CAST: variants seen among roughly 807,000 people sequenced by gnomAD.
The protein encoded by CAST is MIR583 host.
Under a neutral mutation model 119.6 loss-of-function variants are expected in CAST, and 76 were observed. The observed-to-expected ratio is 0.64, with a 90% CI of 0.53 to 0.77. CAST has a LOEUF of 0.77. CAST is among the 30% of genes least tolerant of loss of function. The pLI, the probability that CAST is intolerant of heterozygous loss-of-function variation, is 0.00. For synonymous variants in CAST, 319 were observed against 331.6 expected (o/e 0.96, Z 0.41); for missense variants, 953 against 946.5 (o/e 1.01, Z -0.09).
chr5:96,487,561 A>G, the CAST span, among the ~76,000 whole-genome samples: 1 of 152,212 alleles, frequency 6.6e-6, no homozygotes, highest in African/African-American at 2.4e-5. Flanking sequence ...TCAGACACTA[A>G]CTGAATCAGG....
chr5:96,115,312 A>C, the CAST span, among the ~76,000 whole-genome samples: 1 of 152,222 alleles, frequency 6.6e-6, no homozygotes, highest in African/African-American at 2.4e-5. Flanking sequence ...CATCAAAACA[A>C]ACAATAAAAA....
intron 2 of CAST, among the ~76,000 whole-genome samples, chr5:96,686,368 A>C (rs569637473): frequency 6.6e-6 from 1 of 152,320 alleles, no homozygotes; most frequent in African/African-American, 2.4e-5. Flanking sequence ...AGAAACTAAA[A>C]TCAAGTGTTG....
the CAST span, among the ~76,000 whole-genome samples, chr5:96,144,376 G>A: frequency 6.6e-6 from 1 of 152,070 alleles, no homozygotes; most frequent in Non-Finnish European, 1.5e-5. Context: ...CCTTTCTTTA[G>A]CACTTTTTAA....
intron 9 of CAST, among the ~76,000 whole-genome samples, chr5:96,732,808 G>A (rs1199314271): frequency 6.6e-6 from 1 of 152,094 alleles, no homozygotes; most frequent in South Asian, 2.1e-4. Context: ...AGACTTAAAC[G>A]TTAGACCTAA....
chr5:96,166,321 C>G, the CAST span, among the ~76,000 whole-genome samples: 2 of 152,142 alleles, frequency 1.3e-5, no homozygotes, highest in Non-Finnish European at 2.9e-5. Context: ...GCAAGTTTAT[C>G]TAACTTAATT....
At chr5:96,410,679 G>T in the CAST span, 2 of 1,009,260 alleles carry the variant, frequency 2.0e-6, no homozygotes, top group Non-Finnish European at 3.2e-6. Context: ...AAGCTTAAGC[G>T]AATCAGTCGT....
At chr5:96,070,145 G>A in the CAST span, among the ~76,000 whole-genome samples, 2 of 152,082 alleles carry the variant, frequency 1.3e-5, no homozygotes, top group Non-Finnish European at 2.9e-5. Flanking sequence ...CATTATGAGG[G>A]TAATATACTT....
chr5:96,447,733 G>A, the CAST span, among the ~76,000 whole-genome samples: 2 of 152,030 alleles, frequency 1.3e-5, no homozygotes, highest in Non-Finnish European at 2.9e-5. Flanking sequence ...TTACCCCTTG[G>A]ATGCCTACTC....
At chr5:96,533,978 G>A (rs1016877423) in intron 1 of CAST, among the ~76,000 whole-genome samples, 2 of 152,112 alleles carry the variant, frequency 1.3e-5, no homozygotes, top group Admixed American at 6.6e-5. Context: ...AATTAAATGA[G>A]CCTGTCACTT....
chr5:96,237,976 TTTG>T, the CAST span, among the ~76,000 whole-genome samples: 1 of 152,088 alleles, frequency 6.6e-6, no homozygotes. Flanking sequence ...AATATTATTA[TTTG>T]TTGATTAAAT....
At chr5:96,532,721 A>T (rs557974697) in intron 1 of CAST, among the ~76,000 whole-genome samples, 6 of 152,258 alleles carry the variant, frequency 3.9e-5, no homozygotes, top group African/African-American at 1.4e-4. Flanking sequence ...GTGGTGGTGC[A>T]CACCTGTAAT....
chr5:96,492,139 C>T, the CAST span, among the ~76,000 whole-genome samples: 1 of 152,232 alleles, frequency 6.6e-6, no homozygotes, highest in Non-Finnish European at 1.5e-5. Flanking sequence ...TGTATGCATG[C>T]ATGCATGCTT....
chr5:96,432,190 G>C, the CAST span: 54 of 1,477,918 alleles, frequency 3.7e-5, no homozygotes, highest in Middle Eastern at 1.7e-4. Context: ...GACTTTATAA[G>C]TTCCCAGTGA....
At chr5:96,272,179 C>T in the CAST span, among the ~76,000 whole-genome samples, 3 of 152,054 alleles carry the variant, frequency 2.0e-5, no homozygotes, top group African/African-American at 7.2e-5. Context: ...ATTAGTAAAG[C>T]CACTGTGGAA....
At chr5:96,085,307 A>G in the CAST span, among the ~76,000 whole-genome samples, 4 of 152,242 alleles carry the variant, frequency 2.6e-5, no homozygotes, top group Non-Finnish European at 5.9e-5. Flanking sequence ...AAGCAAATAA[A>G]TTACATGATT....
At chr5:96,693,115 A>C (rs1222489184) in intron 2 of CAST, among the ~76,000 whole-genome samples, 1 of 152,190 alleles carries the variant, frequency 6.6e-6, no homozygotes, top group Non-Finnish European at 1.5e-5. Context: ...GTTAGATAAA[A>C]ATTTAATGAA....
chr5:96,069,152 T>C, the CAST span, among the ~76,000 whole-genome samples: 1 of 151,456 alleles, frequency 6.6e-6, no homozygotes. Context: ...TGTATGTATA[T>C]ATGTATACAT....
the CAST span, among the ~76,000 whole-genome samples, chr5:96,024,581 T>TAA: frequency 6.6e-6 from 1 of 152,068 alleles, no homozygotes; most frequent in Non-Finnish European, 1.5e-5. Context: ...TCACAACAGA[T>TAA]AAAACTGCTT....
chr5:96,413,793 T>A, the CAST span, among the ~76,000 whole-genome samples: 2 of 70,544 alleles, frequency 2.8e-5, no homozygotes, highest in East Asian at 7.2e-4. Flanking sequence ...AGAGCAAGAC[T>A]CTGTCTCAAA....
Sources: allele counts gnomAD v4.1 joint callset (sites outside exome capture counted in the v4.1 genomes callset), GRCh38; gene constraint gnomAD v4.1.1; transcripts MANE v1.5; gene names NCBI Gene and HGNC (gene_info 2026-07-23, HGNC 2026-07-21).